CYP4F3: variants seen among roughly 807,000 people sequenced by gnomAD.
CYP4F3 encodes cytochrome P450 4F3.
CYP4F3 carries 50 observed loss-of-function variants against 54.8 expected under a neutral mutation model. The observed-to-expected ratio is 0.91, with a 90% CI of 0.73 to 1.16. CYP4F3 has a LOEUF of 1.16. Among genes scored for constraint, CYP4F3 ranks in the 50% most tolerant of loss-of-function variants. The pLI is 0.00. For missense variants in CYP4F3, 715 were observed against 676.2 expected (o/e 1.06, Z -0.64); for synonymous variants, 244 against 262.6 (o/e 0.93, Z 0.69).
chr19:15,650,651 C>T (rs545259202), intron 7 of CYP4F3, among the ~76,000 whole-genome samples: 3 of 90,438 alleles, frequency 3.3e-5, no homozygotes, highest in South Asian at 8.3e-4. Context: ...CCCTCCCTCC[C>T]TGCCTTCTTT....
At chr19:15,645,424 T>C (rs999951890) in intron 2 of CYP4F3, among the ~76,000 whole-genome samples, 5 of 152,142 alleles carry the variant, frequency 3.3e-5, no homozygotes, top group African/African-American at 1.2e-4. Context: ...TATGGGCAAA[T>C]TACTTTATCA....
chr19:15,652,097 C>G (rs1248201564), intron 7 of CYP4F3, among the ~76,000 whole-genome samples: 1 of 152,078 alleles, frequency 6.6e-6, no homozygotes, highest in Non-Finnish European at 1.5e-5. Context: ...AGGGCACCAG[C>G]TTTGTGAGAG....
chr19:15,654,607 T>C (rs1972965443), intron 9 of CYP4F3, among the ~76,000 whole-genome samples: 1 of 152,220 alleles, frequency 6.6e-6, no homozygotes, highest in Admixed American at 6.5e-5. Flanking sequence ...GAACATGCGA[T>C]ATTTGTCTTT....
chr19:15,644,867 T>C (rs1972578518), intron 2 of CYP4F3, among the ~76,000 whole-genome samples: 1 of 152,208 alleles, frequency 6.6e-6, no homozygotes, highest in Admixed American at 6.5e-5. Flanking sequence ...GCTGAGTGAC[T>C]CTGGGCTGGT....
chr19:15,641,602 C>G lies in CYP4F3; in HGVS notation c.187C>G (p.His63Asp), dbSNP rs1972466642. Residue 63 changes from histidine to aspartate, a missense_variant, in exon 2 of 13, where the codon CAC becomes GAC. His to Asp is a moderately conservative substitution (Grantham distance 81). Transcript: ENST00000221307. ...CCCGAAACGGAATTGGTTCTTGGGTCACCTGGGCCTGGTGAGTGTGGCAGC... is the reference window on the plus strand; with the variant it reads ...CCCGAAACGGAATTGGTTCTTGGGTGACCTGGGCCTGGTGAGTGTGGCAGC... ...QPPKRNWFLG[H>D]LGLIHSSEEG... 6.2e-7 allele frequency: 1 copy of G among 1,613,824 alleles called. No homozygotes were observed. The highest frequency in any genetic ancestry group is 1.7e-5 in the Admixed American group (1 of 59,984).
intron 9 of CYP4F3, among the ~76,000 whole-genome samples, chr19:15,656,731 TC>T (rs1437371944): frequency 8.4e-4 from 65 of 77,460 alleles, no homozygotes; most frequent in African/African-American, 3.8e-3. Context: ...CATCTATTTA[TC>T]TATCTATCTA....
Position 15,660,585 on chromosome 19 carries a change from G to A in CYP4F3, c.*1200G>A, listed in dbSNP as rs1973160241. On this transcript the variant is annotated 3_prime_UTR_variant, in exon 13 of 13. Transcript: ENST00000221307. Reference sequence around the variant, plus strand: ...GAGTGGAAGAGTGGGGATAAATCTGGTTCGTTTGGCATCAGAGGCCATGAC... The same window carrying A: ...GAGTGGAAGAGTGGGGATAAATCTGATTCGTTTGGCATCAGAGGCCATGAC... 1 of 152,076 alleles carries A rather than the reference G, an allele frequency of 6.6e-6. No homozygotes were observed. The highest frequency in any genetic ancestry group is 2.1e-4 in the South Asian group (1 of 4,826). The allele number at this position is 152,076 out of a possible 1,614,324, so 9.4% of individuals were successfully genotyped here.
At chr19:15,656,696 C>G (rs992560775) in intron 9 of CYP4F3, among the ~76,000 whole-genome samples, 1 of 150,748 alleles carries the variant, frequency 6.6e-6, no homozygotes, top group Non-Finnish European at 1.5e-5. Flanking sequence ...ATTTATCTAC[C>G]TATTATCTAT....
rs187735099 is a variant in CYP4F3 at position 15,646,993 on chromosome 19, C to A, written c.344-59C>A. 3.0e-4 allele frequency: 483 copies of A among 1,604,046 alleles called. 5 individuals carry two copies. The East Asian group carries it at 9.1e-3, about 30-fold the overall frequency. ...ACCTCTTGCTGGGAGCCTCCCCCCA[C>A]CCCCAAAGTTCCTCCTTCACCTGCC... On this transcript the variant is annotated intron_variant, in intron 3 of 12. Transcript: ENST00000221307.
intron 8 of CYP4F3, 47 bp from the exon 9 acceptor site, chr19:15,652,776 G>T (rs1424950297): frequency 1.4e-5 from 23 of 1,601,322 alleles, no homozygotes; most frequent in Non-Finnish European, 2.0e-5. Flanking sequence ...TACACCCTCG[G>T]GTGCTGAAGC....
chr19:15,647,792 CAT>C (rs1326276927), intron 5 of CYP4F3, among the ~76,000 whole-genome samples: 2 of 152,150 alleles, frequency 1.3e-5, no homozygotes, highest in Non-Finnish European at 2.9e-5. Flanking sequence ...AGTTCTCTCA[CAT>C]GTTTGGGTTT....
In CYP4F3 at chr19:15,650,010, C is replaced by T; in HGVS notation, c.745C>T (p.Leu249Phe). The T allele has an allele frequency of 6.2e-7, 1 of 1,614,198 alleles. No individual in the cohort carries two copies. The highest frequency in any genetic ancestry group is 2.2e-5 in the East Asian group (1 of 44,886). Residue 249 changes from leucine (L) to phenylalanine (F), a missense_variant, in exon 7 of 13, where the codon CTC becomes TTC. Transcript: ENST00000221307. The stretch of plus-strand genomic sequence containing the variant: ...CCTGTACATAGACTTCCTGTATTAT[C>T]TCACCCCTGATGGGCAGCGTTTCCG... ...ILLYIDFLYYLTPDGQRFRRA... is the reference protein window; with the variant it reads ...ILLYIDFLYYFTPDGQRFRRA...
At position 15,649,223 on chromosome 19, in the gene CYP4F3, C is replaced by T. The variant is rs773216138; in HGVS notation, c.589C>T (p.Leu197Phe). Residue 197 changes from leucine (L) to phenylalanine (F), a missense_variant, in exon 6 of 13, where the codon CTC becomes TTC. Leu to Phe is a conservative substitution (Grantham distance 22). Transcript: ENST00000221307. ...TCTGGACATGTTTGAGCACATCAGCCTCATGACCTTGGACAGTCTGCAGAA... is the reference window on the plus strand; with the variant it reads ...TCTGGACATGTTTGAGCACATCAGCTTCATGACCTTGGACAGTCTGCAGAA... ...ARLDMFEHIS[L>F]MTLDSLQKCV... 7.4e-6 allele frequency: 12 copies of T among 1,613,480 alleles called. No homozygotes were observed. In the South Asian group the frequency reaches 1.2e-4, roughly 16 times the overall value.
intron 9 of CYP4F3, among the ~76,000 whole-genome samples, chr19:15,655,237 T>C (rs974384263): frequency 6.6e-6 from 1 of 152,208 alleles, no homozygotes; most frequent in Non-Finnish European, 1.5e-5. Context: ...ACTTTTCCTA[T>C]TGAGTTGTTT....
chr19:15,643,402 GTAAATAGATAGATAGATAGATAGA>G (rs1331988305), intron 2 of CYP4F3, among the ~76,000 whole-genome samples: 9 of 143,310 alleles, frequency 6.3e-5, no homozygotes, highest in Admixed American at 1.4e-4. Context: ...ATATATATAG[GTAAATAGATAGATAGATAGATAGA>G]TAGATAGATA....
intron 7 of CYP4F3, among the ~76,000 whole-genome samples, chr19:15,650,745 C>CTTTCTCTCT (rs1568398088): frequency 3.2e-5 from 2 of 62,398 alleles, no homozygotes; most frequent in African/African-American, 8.2e-5. Flanking sequence ...TCTTTTCCTT[C>CTTTCTCTCT]CTTCCATCTT....
rs1425153944 is a variant in CYP4F3 at position 15,658,120 on chromosome 19, T to C, written c.1116-144T>C. 5.9e-6 allele frequency: 9 copies of C among 1,532,288 alleles called. No homozygotes were observed. The African/African-American group carries it at 9.8e-5, about 17-fold the overall frequency. The allele number at this position is 1,532,288 out of a possible 1,614,324, so 94.9% of individuals were successfully genotyped here. A position where few individuals can be genotyped will look rare whatever the true frequency, so the allele number is the denominator to read the frequency against. On this transcript the variant is annotated intron_variant, in intron 9 of 12. Coordinates refer to ENST00000221307, the MANE Select transcript of CYP4F3 (RefSeq NM_000896.3). ...TTGTTTCTGCAACAGTGTCACACTG[T>C]TTTTATTCCTGCGACTTTGTAACAA...
intron 7 of CYP4F3, among the ~76,000 whole-genome samples, chr19:15,650,674 TTCTTTCTTTC>T (rs1568397519): frequency 1.8e-5 from 1 of 54,208 alleles, no homozygotes; most frequent in African/African-American, 1.1e-4. Context: ...CTTTCTTTCT[TTCTTTCTTTC>T]TTTCTTTCTT....
Position 15,657,188 on chromosome 19 carries a change from A to T in CYP4F3, c.1116-1076A>T, listed in dbSNP as rs185525295. Among the ~76,000 whole-genome samples the T allele has an allele frequency of 9.3e-3, 1,410 of 152,346 alleles. 11 individuals carry two copies. Among genetic ancestry groups the T allele is most frequent in the Non-Finnish European group, 0.015 (1,044 of 68,038 alleles). ...TGTCTCCAAACTTTTGCTAAACTGG[A>T]CATGAAGCTGTCAGCACGTGTGCAC... On this transcript the variant is annotated intron_variant, in intron 9 of 12. Coordinates refer to ENST00000221307, the MANE Select transcript of CYP4F3 (RefSeq NM_000896.3).
Sources: gnomAD v4.1 joint callset for allele counts (sites outside exome capture counted in the v4.1 genomes callset) on GRCh38, gnomAD v4.1.1 for gene constraint, MANE v1.5 for transcripts, NCBI Gene and HGNC (gene_info 2026-07-23, HGNC 2026-07-21) for gene names.